AFF2: variants seen among roughly 807,000 people sequenced by gnomAD.
The protein encoded by AFF2 is ALF transcription elongation factor 2, also known as AF4/FMR2 family member 2.
A neutral mutation model predicts 76.9 loss-of-function variants in AFF2; 14 were observed. The ratio of observed to expected loss-of-function variants is 0.18; its 90% CI spans 0.12 to 0.28. The LOEUF (loss-of-function observed/expected upper bound fraction) is 0.28. Ranked by LOEUF, AFF2 falls within the 10% of genes least tolerant of loss-of-function variation. The pLI is 1.00. For synonymous variants in AFF2, 398 were observed against 366.7 expected, an observed-to-expected ratio of 1.09 and a Z score of -0.98; for missense variants, 868 against 1,001.1, an observed-to-expected ratio of 0.87 and a Z score of 1.79.
intron 3 of AFF2, among the ~76,000 whole-genome samples, chrX:148,783,358 T>G (rs1172264372): frequency 9.0e-6 from 1 of 111,725 alleles, no homozygotes; most frequent in Non-Finnish European, 1.9e-5. Flanking sequence ...AACCATTTTT[T>G]TTTTATTTTT....
rs781887674 is a variant in AFF2, at chrX:148,930,995, G to A, written c.1398-22585G>A. ...CAGCCGGGCACGGTGGCTCACGCCT[G>A]TAATCCCAACAGTTTGGGAGGCCGA... On this transcript the variant is annotated intron_variant, in intron 9 of 20. Transcript: ENST00000370460. 2.1e-3 allele frequency among the ~76,000 whole-genome samples: 239 copies of A among 111,857 alleles called. 2 individuals are homozygous for A. Among genetic ancestry groups the A allele is most frequent in the African/African-American group, 7.1e-3 (219 of 30,782 alleles).
Position 148,985,427 on chromosome X carries a change from G to A in AFF2, c.3624-1940G>A, listed in dbSNP as rs1219788006. On this transcript the variant is annotated intron_variant, in intron 19 of 20. Coordinates refer to ENST00000370460, the MANE Select transcript of AFF2 (RefSeq NM_002025.4). ...AGCAATCCTCTCGCTTCAGCCTCCC[G>A]AGTAGCTGCAACTACAGGCACACGT... Among the ~76,000 whole-genome samples, 5 of 104,638 alleles carry A rather than the reference G, an allele frequency of 4.8e-5. No individual in the cohort carries two copies. The East Asian group carries it at 9.3e-4, about 19-fold the overall frequency. The allele number at this position is 104,638 out of a possible 115,157, so 90.9% of individuals were successfully genotyped here.
At chrX:148,882,507 C>T (rs1260073982) in intron 7 of AFF2, among the ~76,000 whole-genome samples, 2 of 111,906 alleles carry the variant, frequency 1.8e-5, no homozygotes, top group South Asian at 3.7e-4. Context: ...CTAATTGGTT[C>T]TGTTTTCACC....
intron 3 of AFF2, among the ~76,000 whole-genome samples, chrX:148,726,379 A>C (rs2055155114): frequency 8.9e-6 from 1 of 112,067 alleles, no homozygotes; most frequent in Non-Finnish European, 1.9e-5. Context: ...CAGGTGGGCA[A>C]AACAGTCTTG....
At chrX:148,754,318 G>A (rs902326566) in intron 3 of AFF2, among the ~76,000 whole-genome samples, 6 of 110,882 alleles carry the variant, frequency 5.4e-5, no homozygotes, top group Non-Finnish European at 1.1e-4. Context: ...ACCAATAATT[G>A]TGTTAGGCTT....
intron 4 of AFF2, among the ~76,000 whole-genome samples, chrX:148,820,218 C>T (rs1228433222): frequency 9.0e-6 from 1 of 111,456 alleles, no homozygotes; most frequent in East Asian, 2.8e-4. Flanking sequence ...AGGGAATTAA[C>T]ACCTTTACTG....
At position 148,676,928 on chromosome X, in the gene AFF2, A is replaced by T. The variant is rs181189803; in HGVS notation, c.1041+14160A>T. On this transcript the variant is annotated intron_variant, in intron 3 of 20. Coordinates refer to ENST00000370460, the MANE Select transcript of AFF2 (RefSeq NM_002025.4). Reference sequence around the variant, plus strand: ...AAAGGGCATAAGGTATAATCATGGTAAATAATGTTTCAGAAAGTCCATCTT... The same window carrying T: ...AAAGGGCATAAGGTATAATCATGGTTAATAATGTTTCAGAAAGTCCATCTT... 7.6e-4 allele frequency among the ~76,000 whole-genome samples: 84 copies of T among 111,136 alleles called. 1 individual carries two copies. The East Asian group carries it at 0.011, about 14-fold the overall frequency.
chrX:148,510,457 A>G (rs1490614446), intron 1 of AFF2, among the ~76,000 whole-genome samples: 2 of 111,559 alleles, frequency 1.8e-5, no homozygotes, highest in Non-Finnish European at 3.8e-5. Context: ...CTGCTAATCT[A>G]TAAGGATACC....
intron 1 of AFF2, among the ~76,000 whole-genome samples, chrX:148,514,463 G>A (rs781942204): frequency 1.8e-5 from 2 of 112,565 alleles, no homozygotes; most frequent in South Asian, 7.3e-4. Flanking sequence ...TTAGCACCCG[G>A]ATTTCCTGAA....
intron 4 of AFF2, among the ~76,000 whole-genome samples, chrX:148,816,542 A>G (rs1240786320): frequency 9.0e-6 from 1 of 111,613 alleles, no homozygotes; most frequent in African/African-American, 3.3e-5. Context: ...AATAAGTGGA[A>G]CATGGTGAAA....
intron 1 of AFF2, among the ~76,000 whole-genome samples, chrX:148,592,317 G>A (rs1301045575): frequency 1.3e-4 from 14 of 110,648 alleles, no homozygotes; most frequent in African/African-American, 4.6e-4. Flanking sequence ...AACTAACATT[G>A]GTTTATTATA....
At chrX:148,548,963 C>T (rs782411521) in intron 1 of AFF2, among the ~76,000 whole-genome samples, 127 of 112,285 alleles carry the variant, frequency 1.1e-3, no homozygotes, top group Non-Finnish European at 2.1e-3. Flanking sequence ...AATAACTCTG[C>T]ATTGCTATAA....
chrX:148,924,285 G>A (rs1189838831), intron 9 of AFF2, among the ~76,000 whole-genome samples: 1 of 111,820 alleles, frequency 8.9e-6, no homozygotes, highest in East Asian at 2.8e-4. Context: ...ACCAGCTAAT[G>A]AAAAGACAAT....
At chrX:148,955,367 A>T (rs1461741803) in intron 10 of AFF2, among the ~76,000 whole-genome samples, 1 of 112,688 alleles carries the variant, frequency 8.9e-6, no homozygotes, top group African/African-American at 3.2e-5. Flanking sequence ...TCAGAGAAGG[A>T]GTCGAAATGA....
At chrX:148,526,828 C>G (rs1401699593) in intron 1 of AFF2, among the ~76,000 whole-genome samples, 1 of 111,220 alleles carries the variant, frequency 9.0e-6, no homozygotes, top group East Asian at 2.8e-4. Context: ...ACATTCCAGT[C>G]TTTCCCCTTT....
At position 148,991,494 on chromosome X, in the gene AFF2, G is replaced by GTAGTGTCAACTT; in HGVS notation, c.*162_*163insTAGTGTCAACTT. On this transcript the variant is annotated 3_prime_UTR_variant, in exon 21 of 21. Coordinates refer to ENST00000370460, the MANE Select transcript of AFF2 (RefSeq NM_002025.4). ...TAAAAAACAGAAGTCATTGTAAGTT[G>GTAGTGTCAACTT]ACACTACAACTTAAGGGCAGTGTAC... is the stretch of plus-strand genomic sequence containing the variant. 8.0e-6 allele frequency: 5 copies of GTAGTGTCAACTT among 626,838 alleles called. No individual in the cohort carries two copies. The highest frequency in any genetic ancestry group is 1.1e-5 in the Non-Finnish European group (5 of 443,927). The allele number at this position is 626,838 out of a possible 1,213,427, so 51.7% of individuals were successfully genotyped here.
chrX:148,569,694 G>C (rs1448306851), intron 1 of AFF2, among the ~76,000 whole-genome samples: 1 of 111,522 alleles, frequency 9.0e-6, no homozygotes, highest in Non-Finnish European at 1.9e-5. Context: ...TTAGCCCCTT[G>C]TGACATTAGT....
At position 148,501,167 on chromosome X, in the gene AFF2, T is replaced by G. The variant is rs1557231789; in HGVS notation, c.47+23T>G. 5 of 1,209,210 alleles carry G rather than the reference T, an allele frequency of 4.1e-6. No individual in the cohort carries two copies. In the East Asian group the frequency reaches 1.5e-4, roughly 36 times the overall value. On this transcript the variant is annotated intron_variant, in intron 1 of 20. Coordinates refer to ENST00000370460, the MANE Select transcript of AFF2 (RefSeq NM_002025.4). ...GTGGTAGGTGTTGATTTTTGCCTTC[T>G]CCTTTGATGAGCGAGTCTCCTGGCG...
At chrX:148,710,712 G>A (rs1303370155) in intron 3 of AFF2, among the ~76,000 whole-genome samples, 2 of 111,891 alleles carry the variant, frequency 1.8e-5, no homozygotes, top group African/African-American at 6.5e-5. Flanking sequence ...TTAACCTCAT[G>A]TAGATAATTT....
Sources: allele counts gnomAD v4.1 joint callset (sites outside exome capture counted in the v4.1 genomes callset), GRCh38; gene constraint gnomAD v4.1.1; transcripts MANE v1.5; gene names NCBI Gene and HGNC (gene_info 2026-07-23, HGNC 2026-07-21).